DOK6: variants seen among roughly 807,000 people sequenced by gnomAD.
The protein encoded by DOK6 is docking protein 6, also known as downstream of tyrosine kinase 6.
In DOK6, 22 loss-of-function variants were observed where a neutral mutation model predicts 44.0. The ratio of observed to expected loss-of-function variants is 0.50; its 90% confidence interval spans 0.36 to 0.71. DOK6 has a LOEUF of 0.71. DOK6 is among the 30% of genes least tolerant of loss of function. The pLI is 0.00. For missense variants in DOK6, 340 were observed against 416.4 expected (o/e 0.82, Z 1.60); for synonymous variants, 166 against 145.5 (o/e 1.14, Z -1.01).
intron 5 of DOK6, among the ~76,000 whole-genome samples, chr18:69,729,766 C>T (rs1449956295): frequency 1.3e-5 from 2 of 151,988 alleles, no homozygotes; most frequent in Non-Finnish European, 2.9e-5. Context: ...AATGTGAGGG[C>T]AGATAAAAAT....
intron 7 of DOK6, among the ~76,000 whole-genome samples, chr18:69,824,765 T>C (rs1179085022): frequency 6.6e-6 from 1 of 152,196 alleles, no homozygotes; most frequent in Non-Finnish European, 1.5e-5. Flanking sequence ...ACCCAAATGG[T>C]ATTTATTAAA....
In DOK6 at chr18:69,603,766, G is replaced by A. The variant is rs548881553; in HGVS notation, c.289+4268G>A. 9.7e-4 allele frequency among the ~76,000 whole-genome samples: 67 copies of A among 69,088 alleles called. 1 individual carries two copies. The highest frequency in any genetic ancestry group is 2.9e-3 in the African/African-American group (52 of 17,874). The allele number at this position is 69,088 out of a possible 152,430, so 45.3% of individuals were successfully genotyped here. A position where few individuals can be genotyped will look rare whatever the true frequency, so the allele number is the denominator to read the frequency against. ...AGCCTGGGCGACAGAGCGAGACTCC[G>A]TCTCAAAAAAAAAAAAAAAAAAAAA... On this transcript the variant is annotated intron_variant, in intron 3 of 7. Coordinates refer to ENST00000382713, the MANE Select transcript of DOK6 (RefSeq NM_152721.6).
At chr18:69,425,943 A>C (rs1354894163) in intron 1 of DOK6, among the ~76,000 whole-genome samples, 1 of 152,126 alleles carries the variant, frequency 6.6e-6, no homozygotes, top group Non-Finnish European at 1.5e-5. Flanking sequence ...GAAATTTTTC[A>C]CTGCCCTAAA....
chr18:69,628,897 C>T (rs998898316), intron 3 of DOK6, among the ~76,000 whole-genome samples: 12 of 152,260 alleles, frequency 7.9e-5, no homozygotes, highest in Admixed American at 1.3e-4. Context: ...TAACTGAAGG[C>T]TGTGTAAGCT....
chr18:69,833,440 T>G (rs1981959145), intron 7 of DOK6, among the ~76,000 whole-genome samples: 1 of 152,076 alleles, frequency 6.6e-6, no homozygotes, highest in Non-Finnish European at 1.5e-5. Context: ...ATGTAATACC[T>G]AAAACTTCAG....
intron 7 of DOK6, among the ~76,000 whole-genome samples, chr18:69,831,398 G>A (rs1260266533): frequency 6.6e-6 from 1 of 152,122 alleles, no homozygotes; most frequent in Non-Finnish European, 1.5e-5. Context: ...CAGAAATAAT[G>A]TTTCACCAGC....
In DOK6 at chr18:69,725,309, T is replaced by G. The variant is rs542126966; in HGVS notation, c.600-13656T>G. 5.9e-5 allele frequency among the ~76,000 whole-genome samples: 9 copies of G among 152,282 alleles called. No individual in the cohort carries two copies. In the South Asian group the frequency reaches 1.5e-3, roughly 25 times the overall value. On this transcript the variant is annotated intron_variant, in intron 5 of 7. Coordinates refer to ENST00000382713, the MANE Select transcript of DOK6 (RefSeq NM_152721.6). Reference sequence around the variant, plus strand: ...ATGCAACGAGGGATGGATAAGCGTTTGTTGAATGAGAACAAGCTAATGAGA... The same window carrying G: ...ATGCAACGAGGGATGGATAAGCGTTGGTTGAATGAGAACAAGCTAATGAGA...
chr18:69,577,095 C>T (rs966378559), intron 2 of DOK6, among the ~76,000 whole-genome samples: 5 of 152,050 alleles, frequency 3.3e-5, no homozygotes, highest in African/African-American at 1.2e-4. Flanking sequence ...TTGGCCTTGG[C>T]AGTATTTATC....
rs527342840 is a variant in DOK6 at position 69,696,182 on chromosome 18, T to G, written c.410-2222T>G. Among the ~76,000 whole-genome samples, 10 of 152,336 alleles carry G rather than the reference T, an allele frequency of 6.6e-5. 1 individual carries two copies. Among genetic ancestry groups the G allele is most frequent in the African/African-American group, 2.4e-4 (10 of 41,574 alleles). ...TTTCTCCAGTGTCCAGTGTGATGCT[T>G]GTACTCTCTCCTTGCTTATTTTTCC... On this transcript the variant is annotated intron_variant, in intron 4 of 7. Coordinates refer to ENST00000382713, the MANE Select transcript of DOK6 (RefSeq NM_152721.6).
At chr18:69,462,086 A>G (rs1979804575) in intron 1 of DOK6, among the ~76,000 whole-genome samples, 1 of 152,218 alleles carries the variant, frequency 6.6e-6, no homozygotes, top group Non-Finnish European at 1.5e-5. Flanking sequence ...TCAAGTAGAT[A>G]GGATATCTCT....
At chr18:69,715,274 A>T (rs964232610) in intron 5 of DOK6, among the ~76,000 whole-genome samples, 2 of 152,234 alleles carry the variant, frequency 1.3e-5, no homozygotes, top group African/African-American at 4.8e-5. Context: ...GAATTAAGTG[A>T]TGATGACGTC....
intron 7 of DOK6, among the ~76,000 whole-genome samples, chr18:69,833,082 C>T (rs1981947683): frequency 6.6e-6 from 1 of 152,070 alleles, no homozygotes; most frequent in Non-Finnish European, 1.5e-5. Flanking sequence ...TCACACGGTA[C>T]CACAAAAGAC....
chr18:69,609,026 C>A (rs930550535), intron 3 of DOK6, among the ~76,000 whole-genome samples: 1 of 147,420 alleles, frequency 6.8e-6, no homozygotes, highest in Non-Finnish European at 1.5e-5. Flanking sequence ...CTATTTTATT[C>A]TTTTTGGTGC....
chr18:69,573,315 G>A (rs1983162703), intron 2 of DOK6, among the ~76,000 whole-genome samples: 1 of 151,846 alleles, frequency 6.6e-6, no homozygotes, highest in Non-Finnish European at 1.5e-5. Context: ...GAACAGTTAA[G>A]GGAATCATCT....
chr18:69,739,197 G>T, intron 6 of DOK6, 94 bp downstream of exon 6: 6 of 1,531,828 alleles, frequency 3.9e-6, no homozygotes, highest in Non-Finnish European at 5.3e-6. Flanking sequence ...TCATGTCAGC[G>T]CCTGGGTGTC....
intron 3 of DOK6, among the ~76,000 whole-genome samples, chr18:69,622,210 G>A (rs1435565145): frequency 6.6e-6 from 1 of 152,092 alleles, no homozygotes; most frequent in Non-Finnish European, 1.5e-5. Context: ...TAGCTTATAA[G>A]CTCATTGCCT....
chr18:69,705,017 G>C (rs1371255457), intron 5 of DOK6: 1 of 152,210 alleles, frequency 6.6e-6, no homozygotes. Context: ...ACAAGGATAT[G>C]TGGCTGGGCC....
intron 7 of DOK6, among the ~76,000 whole-genome samples, chr18:69,760,486 A>G (rs1312264334): frequency 1.3e-5 from 2 of 152,118 alleles, no homozygotes; most frequent in South Asian, 4.1e-4. Flanking sequence ...TCACCTTGGG[A>G]GAGAGCAAAG....
At chr18:69,791,665 A>C (rs992899900) in intron 7 of DOK6, among the ~76,000 whole-genome samples, 6 of 152,094 alleles carry the variant, frequency 3.9e-5, no homozygotes, top group Non-Finnish European at 7.4e-5. Context: ...CCCTTATTGG[A>C]TGGGGAGTTT....
Sources: allele counts gnomAD v4.1 joint callset (sites outside exome capture counted in the v4.1 genomes callset), GRCh38; gene constraint gnomAD v4.1.1; transcripts MANE v1.5; gene names NCBI Gene and HGNC (gene_info 2026-07-23, HGNC 2026-07-21).